The following ARHGAP44 variants were observed in gnomAD, a reference collection of about 807,000 sequenced individuals.
ARHGAP44 encodes rho GTPase-activating protein 44.
Under a neutral mutation model 106.8 loss-of-function variants are expected in ARHGAP44, and 43 were observed. The ratio of observed to expected loss-of-function variants is 0.40; its 90% confidence interval spans 0.32 to 0.52. The LOEUF (loss-of-function observed/expected upper bound fraction) is 0.52, where lower values mean the gene tolerates loss of function less well. ARHGAP44 is among the 20% of genes least tolerant of loss of function. The pLI is 0.48. For synonymous variants in ARHGAP44, 439 were observed against 410.3 expected (o/e 1.07, Z -0.85); for missense variants, 866 against 1,050.5 (o/e 0.82, Z 2.43).
chr17:12,802,671 C>T (rs1249334833), intron 1 of ARHGAP44, among the ~76,000 whole-genome samples: 1 of 151,678 alleles, frequency 6.6e-6, no homozygotes, highest in Admixed American at 6.6e-5. Context: ...ATCAAAGACC[C>T]CACCTTGATC....
chr17:12,895,291 G>A (rs972908148), intron 2 of ARHGAP44, among the ~76,000 whole-genome samples: 3 of 152,134 alleles, frequency 2.0e-5, no homozygotes, highest in Admixed American at 2.0e-4. Flanking sequence ...GATGAATACT[G>A]ATTTGGGTTA....
chr17:12,990,042 C>T lies in ARHGAP44; in HGVS notation c.2328C>T (p.His776=). Residue 776 remains histidine, a synonymous_variant, in exon 21 of 21, where the codon CAC becomes CAT. Transcript: ENST00000379672. ...TCTGCCGCCTTCCAGATCTTGTCCA[C>T]TTTGATATTCCCTCGATCCACATAG... is the stretch of plus-strand genomic sequence containing the variant. The part of the protein sequence containing the change: ...PGESMSTDLV[H]FDIPSIHIEL... 6.2e-7 allele frequency: 1 copy of T among 1,603,440 alleles called. No homozygotes were observed. The highest frequency in any genetic ancestry group is 8.5e-7 in the Non-Finnish European group (1 of 1,170,928).
chr17:12,861,316 G>C (rs888716750), intron 1 of ARHGAP44, among the ~76,000 whole-genome samples: 1 of 152,080 alleles, frequency 6.6e-6, no homozygotes, highest in Admixed American at 6.6e-5. Flanking sequence ...TTCTATTCCT[G>C]CTATGATAAA....
chr17:12,832,590 C>A (rs2035121687), intron 1 of ARHGAP44, among the ~76,000 whole-genome samples: 1 of 152,136 alleles, frequency 6.6e-6, no homozygotes, highest in African/African-American at 2.4e-5. Flanking sequence ...AAGGGCTGTT[C>A]TCATCTTTGT....
At chr17:12,833,211 T>C (rs2035138656) in intron 1 of ARHGAP44, among the ~76,000 whole-genome samples, 1 of 152,244 alleles carries the variant, frequency 6.6e-6, no homozygotes, top group Admixed American at 6.5e-5. Flanking sequence ...TAAGAATTAC[T>C]GAGCATGACT....
intron 4 of ARHGAP44, among the ~76,000 whole-genome samples, chr17:12,909,180 A>G (rs895070021): frequency 3.9e-5 from 6 of 152,212 alleles, no homozygotes; most frequent in African/African-American, 1.4e-4. Flanking sequence ...TGGAGAGATT[A>G]ACATGAAACT....
At chr17:12,804,643 T>A (rs1010368755) in intron 1 of ARHGAP44, among the ~76,000 whole-genome samples, 1 of 152,268 alleles carries the variant, frequency 6.6e-6, no homozygotes. Context: ...TGTTCTTCAA[T>A]GAAGTTCAAG....
chr17:12,910,151 G>A (rs1052174768), intron 4 of ARHGAP44, among the ~76,000 whole-genome samples: 5 of 152,002 alleles, frequency 3.3e-5, no homozygotes, highest in Non-Finnish European at 5.9e-5. Flanking sequence ...TCACTGAAAG[G>A]ACTAGTTAAG....
intron 1 of ARHGAP44, among the ~76,000 whole-genome samples, chr17:12,843,240 C>A (rs569207137): frequency 6.6e-6 from 1 of 152,212 alleles, no homozygotes; most frequent in African/African-American, 2.4e-5. Context: ...AAACCTTCTC[C>A]CTGCCTCCCT....
intron 18 of ARHGAP44, among the ~76,000 whole-genome samples, chr17:12,978,598 T>C (rs1472046208): frequency 1.3e-5 from 2 of 152,218 alleles, no homozygotes; most frequent in African/African-American, 4.8e-5. Flanking sequence ...TCTATTCCTA[T>C]TGGAATTTTC....
At chr17:12,807,799 A>G (rs2034321696) in intron 1 of ARHGAP44, among the ~76,000 whole-genome samples, 1 of 152,184 alleles carries the variant, frequency 6.6e-6, no homozygotes, top group Admixed American at 6.5e-5. Flanking sequence ...TGCCTTCCCA[A>G]CAGTCCCCCA....
intron 1 of ARHGAP44, among the ~76,000 whole-genome samples, chr17:12,847,470 G>A (rs559679412): frequency 2.7e-5 from 4 of 150,136 alleles, no homozygotes; most frequent in Admixed American, 2.7e-4. Flanking sequence ...TAACTTCGTA[G>A]CCTCAGCCCT....
At chr17:12,908,998 T>A (rs780401106) in intron 4 of ARHGAP44, 25 bp downstream of exon 4, 2 of 1,563,158 alleles carry the variant, frequency 1.3e-6, no homozygotes, top group Non-Finnish European at 1.7e-6. Flanking sequence ...TGCGTGAGTT[T>A]GGTGCCAAAT....
At chr17:12,839,314 C>T (rs1338302952) in intron 1 of ARHGAP44, among the ~76,000 whole-genome samples, 4 of 152,202 alleles carry the variant, frequency 2.6e-5, no homozygotes, top group African/African-American at 7.2e-5. Context: ...TAGTGTCCCT[C>T]GCTCTTCCAA....
At chr17:12,892,495 AT>A (rs958638599) in intron 1 of ARHGAP44, among the ~76,000 whole-genome samples, 1 of 151,798 alleles carries the variant, frequency 6.6e-6, no homozygotes, top group African/African-American at 2.4e-5. Context: ...CATTTGGGAC[AT>A]TTTTAGCCAT....
intron 10 of ARHGAP44, 112 bp downstream of exon 10, chr17:12,944,308 A>C (rs961515394): frequency 1.5e-6 from 2 of 1,376,880 alleles, no homozygotes; most frequent in South Asian, 3.5e-5. Flanking sequence ...CACGAATCCA[A>C]ATGGCTTAAG....
intron 1 of ARHGAP44, among the ~76,000 whole-genome samples, chr17:12,814,623 A>G (rs2034543320): frequency 6.6e-6 from 1 of 152,162 alleles, no homozygotes; most frequent in Non-Finnish European, 1.5e-5. Context: ...CGTGAAAGAC[A>G]AGCAAGTTCA....
chr17:12,980,170 C>A lies in ARHGAP44; in HGVS notation c.1876C>A (p.Pro626Thr). 1 of 1,613,286 alleles carries A rather than the reference C, an allele frequency of 6.2e-7. No homozygotes were observed. The highest frequency in any genetic ancestry group is 8.5e-7 in the Non-Finnish European group (1 of 1,179,810). ...ACCAGGGGCTCAACCTGGAGCTCAG[C>A]CGGGCGCCAGCCCCAGCCCCAGCCA... is the stretch of plus-strand genomic sequence containing the variant. Reference protein sequence around the residue: ...TQPGAQPGAQPGASPSPSQPP... With the variant: ...TQPGAQPGAQTGASPSPSQPP... Residue 626 changes from proline (P) to threonine (T), a missense_variant, in exon 19 of 21, where the codon CCG becomes ACG. By Grantham distance (38) the Pro-to-Thr change is conservative (BLOSUM62 -1). This residue lies in a region of ARHGAP44 where 418 missense variants were observed against 403.6 expected (regional missense o/e 1.04). Coordinates refer to ENST00000379672, the MANE Select transcript of ARHGAP44 (RefSeq NM_014859.6).
intron 1 of ARHGAP44, among the ~76,000 whole-genome samples, chr17:12,852,277 CTTTT>C (rs66824907): frequency 6.8e-5 from 5 of 73,562 alleles, no homozygotes; most frequent in East Asian, 1.2e-3. Context: ...ACTTTTGAAG[CTTTT>C]TTTTTTTTTT....
Sources: allele counts gnomAD v4.1 joint callset (sites outside exome capture counted in the v4.1 genomes callset), GRCh38; gene constraint gnomAD v4.1.1; regional missense constraint gnomAD v4.1.1; transcripts MANE v1.5; gene names NCBI Gene and HGNC (gene_info 2026-07-23, HGNC 2026-07-21).